RPTN: variants seen among roughly 807,000 people sequenced by gnomAD.
RPTN encodes intermediate filament-associated protein.
A neutral mutation model predicts 3.6 loss-of-function variants in RPTN; 4 were observed. The observed-to-expected ratio is 1.12, with a 90% CI of 0.55 to 2.55. The LOEUF is 2.55. Among genes scored for constraint, RPTN ranks in the 30% most tolerant of loss-of-function variants. The pLI, the probability that RPTN is intolerant of heterozygous loss-of-function variation, is 0.02. For missense variants in RPTN, 860 were observed against 916.7 expected (o/e 0.94, Z 0.80); for synonymous variants, 293 against 319.3 (o/e 0.92, Z 0.88).
chr1:152,157,470 A>G (rs1278195096), intron 2 of RPTN, among the ~76,000 whole-genome samples: 1 of 152,132 alleles, frequency 6.6e-6, no homozygotes, highest in Non-Finnish European at 1.5e-5. Context: ...TATAGAAATC[A>G]AAGTATGAAT....
Position 152,154,929 on chromosome 1 carries a change from C to T in RPTN, c.2170G>A (p.Gly724Ser), listed in dbSNP as rs762167002. The T allele has an allele frequency of 2.3e-5, 37 of 1,613,998 alleles. No individual in the cohort carries two copies. The highest frequency in any genetic ancestry group is 3.1e-5 in the Non-Finnish European group (36 of 1,180,036). Residue 724 changes from glycine (G) to serine (S), a missense_variant, in exon 3 of 3, where the codon GGT (glycine) becomes AGT (serine). Coordinates refer to ENST00000316073, the MANE Select transcript of RPTN (RefSeq NM_001122965.1). ...CGCCTGTCCTGTGTCCCACATGGAC[C>T]TTCCTGACTCTCATGGCTGTGTCTA... Reference protein sequence around the residue: ...WDRHSHESQEGPCGTQDRRTH... With the variant: ...WDRHSHESQESPCGTQDRRTH...
rs768436073 is a variant in RPTN at position 152,155,648 on chromosome 1, C to G, written c.1451G>C (p.Ser484Thr). ...TCTGTCTATCTTACCATAGTGGGAA[C>G]TCTGGCCTTGTTTGTCTGGCTGACT... ...HYSQPDKQGQ[S>T]SHYGKIDRQD... The change falls in exon 3 of 3, where the codon AGT becomes ACT. Residue 484 changes from serine to threonine, a missense_variant. Ser to Thr is a moderately conservative substitution (Grantham distance 58). Transcript: ENST00000316073. 1 of 1,602,720 alleles carries G rather than the reference C, an allele frequency of 6.2e-7. No homozygotes were observed. The highest frequency in any genetic ancestry group is 1.3e-5 in the African/African-American group (1 of 74,626).
intron 2 of RPTN, 77 bp from the exon 3 acceptor site, chr1:152,157,037 C>A: frequency 1.5e-6 from 2 of 1,300,238 alleles, no homozygotes; most frequent in Non-Finnish European, 2.2e-6. Flanking sequence ...GTTCATGCCC[C>A]AATCCATTCG....
At position 152,155,027 on chromosome 1, in the gene RPTN, G is replaced by A. The variant is rs1038864422; in HGVS notation, c.2072C>T (p.Ala691Val). ...CTCACCATGACTCTGCCTGGTCTGG[G>A]CCTGTCTGTGGCCCTGCTCACTACT... Reference protein sequence around the residue: ...SCSSEQGHRQAQTRQSHGEGL... With the variant: ...SCSSEQGHRQVQTRQSHGEGL... The change falls in exon 3 of 3, where the codon GCC becomes GTC. Residue 691 changes from alanine (A) to valine (V), a missense_variant. Coordinates refer to ENST00000316073, the MANE Select transcript of RPTN (RefSeq NM_001122965.1). The A allele has an allele frequency of 1.2e-6, 2 of 1,614,138 alleles. No homozygotes were observed. The highest frequency in any genetic ancestry group is 2.2e-5 in the South Asian group (2 of 91,076).
At position 152,155,639 on chromosome 1, in the gene RPTN, T is replaced by TAATTCCTGACCTAGCCTCTC. The variant is rs746184219; in HGVS notation, c.1459_1460insGAGAGGCTAGGTCAGGAATT (p.Tyr487Ter). The TAATTCCTGACCTAGCCTCTC allele has an allele frequency of 6.2e-7, 1 of 1,602,656 alleles. No homozygotes were observed. Among genetic ancestry groups the TAATTCCTGACCTAGCCTCTC allele is most frequent in the African/African-American group, 1.3e-5 (1 of 74,672 alleles). ...CTGGTCTTGTCTGTCTATCTTACCA[T>TAATTCCTGACCTAGCCTCTC]AGTGGGAACTCTGGCCTTGTTTGTC... On this transcript the variant is annotated stop_gained and frameshift_variant, in exon 3 of 3. Transcript: ENST00000316073. LOFTEE classifies it low-confidence loss of function (END_TRUNC).
Position 152,156,563 on chromosome 1 carries a change from T to C in RPTN, c.536A>G (p.Asp179Gly). 6.2e-7 allele frequency: 1 copy of C among 1,613,434 alleles called. No individual in the cohort carries two copies. Among genetic ancestry groups the C allele is most frequent in the Non-Finnish European group, 8.5e-7 (1 of 1,179,686 alleles). ...TCTCTCAGACTGATTGTGGTGAGAA[T>C]CTCTGTCTTGTCTCTCAGGCTGACT... ...HHSQPERQDR[D>G]SHHNQSERQD... The change falls in exon 3 of 3, where the codon GAT becomes GGT. Residue 179 changes from aspartate to glycine, a missense_variant. By Grantham distance (94) the Asp-to-Gly change is moderately conservative (BLOSUM62 -1). Transcript: ENST00000316073.
chr1:152,157,006 C>T (rs763833688), intron 2 of RPTN, 46 bp from the exon 3 acceptor site: 3 of 1,515,030 alleles, frequency 2.0e-6, no homozygotes, highest in East Asian at 4.5e-5. Flanking sequence ...CTGTCTTGTG[C>T]ATACTAAGAT....
rs1659134982 is a variant in RPTN at position 152,153,634 on chromosome 1, TCA to T, written c.*1108_*1109del. The T allele has an allele frequency of 2.6e-5, 4 of 152,384 alleles. No homozygotes were observed. The highest frequency in any genetic ancestry group is 9.6e-5 in the African/African-American group (4 of 41,580). 9.4% of individuals were successfully genotyped at this position (152,384 alleles called of 1,614,324 possible). ...TATTTATTAGATATTTTAATACAAT[TCA>T]TAATCTGCACATAGATTTTCTTGAG... On this transcript the variant is annotated 3_prime_UTR_variant, in exon 3 of 3. Coordinates refer to ENST00000316073, the MANE Select transcript of RPTN (RefSeq NM_001122965.1).
In RPTN at chr1:152,156,142, G is replaced by A. The variant is rs751077005; in HGVS notation, c.957C>T (p.Tyr319=). The A allele has an allele frequency of 2.5e-6, 4 of 1,609,520 alleles. No homozygotes were observed. Among genetic ancestry groups the A allele is most frequent in the Admixed American group, 3.4e-5 (2 of 59,678 alleles). The change falls in exon 3 of 3, where the codon TAC becomes TAT. Residue 319 remains tyrosine, a synonymous_variant. Transcript: ENST00000316073. ...TCTGGCCTTGTCTGTCCGTCTGACT[G>A]TAGTGGGAACTCTGGCCTTGTCTGT... is the stretch of plus-strand genomic sequence containing the variant. ...QTDRQGQSSH[Y]SQTDRQGQSS...
In RPTN at chr1:152,156,434, T is replaced by C. The variant is rs1395601575; in HGVS notation, c.665A>G (p.Gln222Arg). The C allele has an allele frequency of 6.2e-7, 1 of 1,614,270 alleles. No homozygotes were observed. Among genetic ancestry groups the C allele is most frequent in the Non-Finnish European group, 8.5e-7 (1 of 1,180,050 alleles). The change falls in exon 3 of 3, where the codon CAG (glutamine) becomes CGG (arginine). Residue 222 changes from glutamine to arginine, a missense_variant. Transcript: ENST00000316073. ...CCGATTTAAGGCAAAGATATGTCCC[T>C]GCCATTTAGCCTGGCCACTGGTAGA... ...HKSTSGQAKW[Q>R]GHIFALNRCE... is the part of the protein sequence containing the mutation.
At chr1:152,158,161 G>A (rs1236534823) in intron 1 of RPTN, among the ~76,000 whole-genome samples, 3 of 152,162 alleles carry the variant, frequency 2.0e-5, no homozygotes, top group Non-Finnish European at 2.9e-5. Flanking sequence ...ATGCATTGCA[G>A]GTGTTTTACA....
intron 2 of RPTN, 61 bp from the exon 3 acceptor site, chr1:152,157,021 A>G: frequency 2.2e-6 from 3 of 1,393,674 alleles, no homozygotes; most frequent in Non-Finnish European, 2.0e-6. Flanking sequence ...TAAGATGTGT[A>G]TCAGTGTTCA....
chr1:152,156,813 C>T lies in RPTN; in HGVS notation c.286G>A (p.Gly96Ser), dbSNP rs746700515. The change falls in exon 3 of 3, where the codon GGC (glycine) becomes AGC (serine). Residue 96 changes from glycine to serine, a missense_variant. Coordinates refer to ENST00000316073, the MANE Select transcript of RPTN (RefSeq NM_001122965.1). ...YHKLDNKSHG[G>S]RTSQQERGQE... ...CCCCTTTCTTGCTGTGAGGTCCTGC[C>T]TCCATGTGACTTATTGTCTAGCTTA... is the stretch of plus-strand genomic sequence containing the variant. The T allele has an allele frequency of 3.2e-5, 52 of 1,614,162 alleles. No homozygotes were observed. The highest frequency in any genetic ancestry group is 4.3e-5 in the Non-Finnish European group (51 of 1,180,022).
rs776779293 is a variant in RPTN, at chr1:152,156,283, T to C, written c.816A>G (p.Gly272=). 5 of 1,614,132 alleles carry C rather than the reference T, an allele frequency of 3.1e-6. No homozygotes were observed. The highest frequency in any genetic ancestry group is 4.2e-6 in the Non-Finnish European group (5 of 1,180,056). The change falls in exon 3 of 3, where the codon GGA becomes GGG. Residue 272 remains glycine, a synonymous_variant. Coordinates refer to ENST00000316073, the MANE Select transcript of RPTN (RefSeq NM_001122965.1). The part of the protein sequence containing the change: ...TNQQKSGSYC[G]QSERLGQELG... ...ATTCCTGACCTAGCCTCTCAGACTG[T>C]CCACAATAAGAGCCTGATTTCTGTT...
chr1:152,155,250 C>T lies in RPTN; in HGVS notation c.1849G>A (p.Gly617Arg), dbSNP rs781065669. ...ASYVEQSGRS[G>R]RLSQQTPGQE... is the part of the protein sequence containing the mutation. ...CCTGGAGTCTGTTGACTTAGCCTCC[C>T]TGATCTTCCTGATTGTTCAACATAA... Residue 617 changes from glycine (G) to arginine (R), a missense_variant, in exon 3 of 3, where the codon GGG becomes AGG. Gly to Arg is a moderately radical substitution (Grantham distance 125). Coordinates refer to ENST00000316073, the MANE Select transcript of RPTN (RefSeq NM_001122965.1). 6.2e-7 allele frequency: 1 copy of T among 1,614,240 alleles called. No homozygotes were observed. The highest frequency in any genetic ancestry group is 8.5e-7 in the Non-Finnish European group (1 of 1,180,040).
chr1:152,156,741 G>A lies in RPTN; in HGVS notation c.358C>T (p.Gln120Ter), dbSNP rs1659214191. Residue 120 changes from glutamine to a stop codon, truncating the protein, a stop_gained, in exon 3 of 3, where the codon CAA becomes TAA. Transcript: ENST00000316073. LOFTEE classifies it low-confidence loss of function (END_TRUNC). ...DCKFPGNTGR[Q>*]HRQRHEEERQ... is the part of the protein sequence containing the mutation. ...TCTTCCTCGTGCCTCTGTCTGTGTT[G>A]TCTGCCTGTGTTTCCTGGGAACTTA... 6.2e-7 allele frequency: 1 copy of A among 1,614,040 alleles called. No individual in the cohort carries two copies. The highest frequency in any genetic ancestry group is 8.5e-7 in the Non-Finnish European group (1 of 1,180,036).
chr1:152,154,831 T>A lies in RPTN; in HGVS notation c.2268A>T (p.Arg756Ser), dbSNP rs1659158315. The A allele has an allele frequency of 2.5e-6, 4 of 1,613,876 alleles. No homozygotes were observed. Among genetic ancestry groups the A allele is most frequent in the Non-Finnish European group, 3.4e-6 (4 of 1,179,818 alleles). The change falls in exon 3 of 3, where the codon AGA (arginine) becomes AGT (serine). Residue 756 changes from arginine (R) to serine (S), a missense_variant. Arg to Ser is a moderately radical substitution (Grantham distance 110, BLOSUM62 -1). Coordinates refer to ENST00000316073, the MANE Select transcript of RPTN (RefSeq NM_001122965.1). ...TGTCTTCATGGGTTTGCCTGTCTCG[T>A]CTCTGATGGCTCTGCTCATGTTCAT... The part of the protein sequence containing the change: ...QTHEHEQSHQ[R>S]RDRQTHEDKQ...
At position 152,154,124 on chromosome 1, in the gene RPTN, A is replaced by T. The variant is rs1240277696; in HGVS notation, c.*620T>A. ...AATGATTCAACCAGGTCTCATCTAC[A>T]CAGAGGGCAAAGCAGGAAATGATTT... On this transcript the variant is annotated 3_prime_UTR_variant, in exon 3 of 3. Transcript: ENST00000316073. The T allele has an allele frequency of 6.5e-6, 1 of 154,266 alleles. No individual in the cohort carries two copies. Among genetic ancestry groups the T allele is most frequent in the Non-Finnish European group, 1.4e-5 (1 of 69,392 alleles). 9.6% of individuals were successfully genotyped at this position (154,266 alleles called of 1,614,324 possible). A position where few individuals can be genotyped will look rare whatever the true frequency, so the allele number is the denominator to read the frequency against.
chr1:152,156,080 C>T lies in RPTN; in HGVS notation c.1019G>A (p.Ser340Asn). 5 of 1,613,612 alleles carry T rather than the reference C, an allele frequency of 3.1e-6. No homozygotes were observed. The highest frequency in any genetic ancestry group is 4.2e-6 in the Non-Finnish European group (5 of 1,179,946). Residue 340 changes from serine (S) to asparagine (N), a missense_variant, in exon 3 of 3, where the codon AGT becomes AAT. Ser to Asn is a conservative substitution (Grantham distance 46). Transcript: ENST00000316073. ...TCTGTCCATTTGACCATAGTGGGAACTCTGACCTTGTCTGTCTGGCTGACT... is the reference window on the plus strand; with the variant it reads ...TCTGTCCATTTGACCATAGTGGGAATTCTGACCTTGTCTGTCTGGCTGACT... Reference protein sequence around the residue: ...HYSQPDRQGQSSHYGQMDRKG... With the variant: ...HYSQPDRQGQNSHYGQMDRKG...
Sources: gnomAD v4.1 joint callset for allele counts (sites outside exome capture counted in the v4.1 genomes callset) on GRCh38, gnomAD v4.1.1 for gene constraint, MANE v1.5 for transcripts, NCBI Gene and HGNC (gene_info 2026-07-23, HGNC 2026-07-21) for gene names.